The following DNAH8 variants were observed in gnomAD, a reference collection of about 807,000 sequenced individuals.
DNAH8 encodes axonemal beta dynein heavy chain 8.
Under a neutral mutation model 562.1 loss-of-function variants are expected in DNAH8, and 382 were observed. The ratio of observed to expected loss-of-function variants is 0.68; its 90% CI spans 0.63 to 0.74. DNAH8 has a LOEUF of 0.74. DNAH8 is among the 30% of genes least tolerant of loss of function. DNAH8 has a pLI of 0.00. For synonymous variants in DNAH8, 1,881 were observed against 1,919.4 expected, an observed-to-expected ratio of 0.98 and a Z score of 0.52; for missense variants, 5,203 against 5,620.4, an observed-to-expected ratio of 0.93 and a Z score of 2.37.
At position 38,873,082 on chromosome 6, in the gene DNAH8, A is replaced by G; in HGVS notation, c.7414A>G (p.Thr2472Ala). 1.9e-6 allele frequency: 3 copies of G among 1,614,042 alleles called. No homozygotes were observed. Among genetic ancestry groups the G allele is most frequent in the Middle Eastern group, 1.6e-4 (1 of 6,062 alleles). The part of the protein sequence containing the change: ...VHNIENASPA[T>A]VSRMGMVYIS... Reference sequence around the variant, plus strand: ...CAATATCGAGAACGCCTCTCCTGCCACGGTTTCTAGGATGGGCATGGTCTA... The same window carrying G: ...CAATATCGAGAACGCCTCTCCTGCCGCGGTTTCTAGGATGGGCATGGTCTA... The change falls in exon 51 of 93, where the codon ACG becomes GCG. Residue 2472 changes from threonine (T) to alanine (A), a missense_variant. By Grantham distance (58) the Thr-to-Ala change is moderately conservative. Around this residue, in one of 6 missense-constraint regions of DNAH8, gnomAD observed 977 missense variants for 1,061.8 expected, o/e 0.92. Coordinates refer to ENST00000327475, the MANE Select transcript of DNAH8 (RefSeq NM_001206927.2).
rs780060909 is a variant in DNAH8, at chr6:38,899,909, A to G, written c.9194+3A>G. 1 of 1,566,218 alleles carries G rather than the reference A, an allele frequency of 6.4e-7. No individual in the cohort carries two copies. Among genetic ancestry groups the G allele is most frequent in the South Asian group, 1.2e-5 (1 of 82,838 alleles). ...ATATTCCAGATAACATTAACCAGGT[A>G]GGATGAAATAAAACACAATATGTTT... On this transcript the variant is annotated splice_donor_region_variant and intron_variant, in intron 62 of 92. Transcript: ENST00000327475.
intron 5 of DNAH8, 91 bp from the exon 6 acceptor site, chr6:38,736,976 C>T: frequency 1.1e-6 from 1 of 877,460 alleles, no homozygotes; most frequent in Non-Finnish European, 1.6e-6. Context: ...TATTAGTTGT[C>T]TATGTTTATT....
chr6:38,792,234 T>C (rs1583018246), intron 21 of DNAH8, among the ~76,000 whole-genome samples: 1 of 152,174 alleles, frequency 6.6e-6, no homozygotes, highest in East Asian at 1.9e-4. Context: ...ATTACAGGCC[T>C]GTACCAGCAC....
Position 38,857,682 on chromosome 6 carries a change from A to C in DNAH8, c.5898A>C (p.Arg1966Ser). The C allele has an allele frequency of 3.1e-6, 5 of 1,613,892 alleles. No individual in the cohort carries two copies. The highest frequency in any genetic ancestry group is 1.7e-5 in the Admixed American group (1 of 60,026). Residue 1966 changes from arginine to serine, a missense_variant, in exon 42 of 93, where the codon AGA becomes AGC. Transcript: ENST00000327475. ...QTTHDLSKFD[R>S]VKFETLITIH... Reference sequence around the variant, plus strand: ...CACATGATCTAAGCAAGTTTGATAGAGTGAAGTTCGAGACTCTAATTACCA... The same window carrying C: ...CACATGATCTAAGCAAGTTTGATAGCGTGAAGTTCGAGACTCTAATTACCA...
intron 62 of DNAH8, among the ~76,000 whole-genome samples, chr6:38,900,720 C>T (rs187406805): frequency 4.6e-5 from 7 of 152,108 alleles, no homozygotes; most frequent in Admixed American, 1.3e-4. Context: ...CAGGTTCAAG[C>T]GATTCTCTTG....
At chr6:38,940,967 A>G (rs1051152242) in intron 79 of DNAH8, among the ~76,000 whole-genome samples, 2 of 152,052 alleles carry the variant, frequency 1.3e-5, no homozygotes, top group Non-Finnish European at 2.9e-5. Context: ...TAAAAATACA[A>G]AAATTAGCTG....
Position 38,790,306 on chromosome 6 carries a change from G to A in DNAH8, c.2682G>A (p.Arg894=). Residue 894 remains arginine, a synonymous_variant, in exon 20 of 93, where the codon AGG becomes AGA. Transcript: ENST00000327475. The part of the protein sequence containing the change: ...PKMKKVESVL[R]QGLTVLTWSS... ...GTTTCTAGGTGGAATCTGTGTTGAG[G>A]CAAGGACTCACAGTGTTAACATGGT... 7 of 1,606,400 alleles carry A rather than the reference G, an allele frequency of 4.4e-6. No individual in the cohort carries two copies. The highest frequency in any genetic ancestry group is 6.0e-6 in the Non-Finnish European group (7 of 1,175,786).
intron 88 of DNAH8, among the ~76,000 whole-genome samples, chr6:38,999,206 T>TAGC (rs1244992278): frequency 1.3e-5 from 2 of 152,178 alleles, no homozygotes; most frequent in Non-Finnish European, 2.9e-5. Context: ...AGGTGGGATC[T>TAGC]AGCAGCAGCA....
At chr6:39,021,705 A>G (rs1474885640) in intron 91 of DNAH8, among the ~76,000 whole-genome samples, 3 of 152,224 alleles carry the variant, frequency 2.0e-5, no homozygotes, top group Non-Finnish European at 2.9e-5. Context: ...CTCATCTTCA[A>G]AGATGCTGCT....
intron 4 of DNAH8, among the ~76,000 whole-genome samples, chr6:38,732,592 C>G (rs1012718527): frequency 1.3e-5 from 2 of 152,174 alleles, no homozygotes; most frequent in Non-Finnish European, 1.5e-5. Context: ...GTTGAACAAT[C>G]AGGTCTCGGG....
At chr6:38,788,458 G>A (rs887863858) in intron 18 of DNAH8, among the ~76,000 whole-genome samples, 2 of 152,144 alleles carry the variant, frequency 1.3e-5, no homozygotes, top group Admixed American at 1.3e-4. Flanking sequence ...CCTATTGTTT[G>A]TCATTTTTAT....
At chr6:38,908,773 GA>G (rs1168170810) in intron 64 of DNAH8, among the ~76,000 whole-genome samples, 5 of 152,044 alleles carry the variant, frequency 3.3e-5, no homozygotes, top group Non-Finnish European at 7.4e-5. Context: ...GGCTGGTCTG[GA>G]ACTCCTGAAC....
At chr6:38,847,340 T>C (rs1775379625) in intron 36 of DNAH8, among the ~76,000 whole-genome samples, 1 of 151,722 alleles carries the variant, frequency 6.6e-6, no homozygotes, top group Admixed American at 6.6e-5. Context: ...TGCAGAACAA[T>C]TTTGGCCTAT....
At chr6:38,747,661 T>C (rs777832118) in intron 8 of DNAH8, among the ~76,000 whole-genome samples, 1 of 152,136 alleles carries the variant, frequency 6.6e-6, no homozygotes, top group Non-Finnish European at 1.5e-5. Flanking sequence ...CTGGGATTAC[T>C]GGCGTGAGCC....
At chr6:38,996,627 G>A (rs1765149507) in intron 88 of DNAH8, among the ~76,000 whole-genome samples, 1 of 152,210 alleles carries the variant, frequency 6.6e-6, no homozygotes, top group Non-Finnish European at 1.5e-5. Context: ...AGGTGTGTGA[G>A]GATGCAGGCC....
intron 7 of DNAH8, among the ~76,000 whole-genome samples, chr6:38,739,089 T>TC (rs142683601): frequency 0.025 from 3,738 of 152,268 alleles, 151 homozygotes; most frequent in African/African-American, 0.082. Context: ...TTTACCCATA[T>TC]CATTGCCTGT....
chr6:38,989,024 T>C (rs1384453370), intron 87 of DNAH8, among the ~76,000 whole-genome samples: 1 of 152,188 alleles, frequency 6.6e-6, no homozygotes, highest in East Asian at 1.9e-4. Context: ...GGTTCTAAAC[T>C]CAGCCTGCTC....
intron 77 of DNAH8, 25 bp downstream of exon 77, chr6:38,935,722 A>G: frequency 6.7e-7 from 1 of 1,498,626 alleles, no homozygotes; most frequent in Non-Finnish European, 9.2e-7. Context: ...AGAAGTAATG[A>G]AATAACGGAT....
At chr6:38,814,220 C>A in intron 25 of DNAH8, 91 bp downstream of exon 25, 1 of 761,262 alleles carries the variant, frequency 1.3e-6, no homozygotes, top group Non-Finnish European at 2.2e-6. Flanking sequence ...CATTTTGGTC[C>A]TATGTCTTTT....
Sources: allele counts gnomAD v4.1 joint callset (sites outside exome capture counted in the v4.1 genomes callset), GRCh38; gene constraint gnomAD v4.1.1; regional missense constraint gnomAD v4.1.1; transcripts MANE v1.5; gene names NCBI Gene and HGNC (gene_info 2026-07-23, HGNC 2026-07-21).